SUGCT: variants seen among roughly 807,000 people sequenced by gnomAD.
The protein encoded by SUGCT is succinyl-CoA:glutarate CoA-transferase.
Under a neutral mutation model 55.0 loss-of-function variants are expected in SUGCT, and 41 were observed. The ratio of observed to expected loss-of-function variants is 0.74; its 90% CI spans 0.58 to 0.97. The LOEUF (loss-of-function observed/expected upper bound fraction) is 0.97, where lower values mean the gene tolerates loss of function less well. Ranked by LOEUF, SUGCT falls within the 50% of genes least tolerant of loss-of-function variation. The probability of loss-of-function intolerance (pLI) is 0.00; values close to 1 mark genes in which losing one functional copy is unlikely to be tolerated. For synonymous variants in SUGCT, 187 were observed against 200.4 expected (o/e 0.93, Z 0.56); for missense variants, 568 against 547.8 (o/e 1.04, Z -0.37).
At chr7:41,025,553 C>G in the SUGCT span, among the ~76,000 whole-genome samples, 3 of 152,002 alleles carry the variant, frequency 2.0e-5, no homozygotes, top group African/African-American at 7.2e-5. Flanking sequence ...GATAGGATTT[C>G]ACCATATTGG....
chr7:40,165,118 T>C (rs1260489181), intron 1 of SUGCT, among the ~76,000 whole-genome samples: 1 of 152,246 alleles, frequency 6.6e-6, no homozygotes, highest in Non-Finnish European at 1.5e-5. Context: ...TGCCTCCTCA[T>C]GCATAAGGTC....
At chr7:40,535,909 C>A (rs142282625) in intron 12 of SUGCT, among the ~76,000 whole-genome samples, 2,390 of 152,256 alleles carry the variant, frequency 0.016, 22 homozygotes, top group South Asian at 0.025. Flanking sequence ...TGGCATTTCT[C>A]TGATGATTAG....
At chr7:40,835,609 C>G (rs1482538317) in intron 13 of SUGCT, among the ~76,000 whole-genome samples, 1 of 152,156 alleles carries the variant, frequency 6.6e-6, no homozygotes, top group Non-Finnish European at 1.5e-5. Flanking sequence ...GGCAATCTCC[C>G]AAGGCTTACA....
intron 11 of SUGCT, among the ~76,000 whole-genome samples, chr7:40,478,142 C>T (rs754743882): frequency 6.6e-6 from 1 of 152,104 alleles, no homozygotes; most frequent in Non-Finnish European, 1.5e-5. Flanking sequence ...ACAGGCATTA[C>T]AGGCATACGC....
intron 11 of SUGCT, among the ~76,000 whole-genome samples, chr7:40,469,901 C>CTTAATG (rs1483179610): frequency 2.0e-5 from 3 of 152,122 alleles, no homozygotes; most frequent in African/African-American, 7.2e-5. Flanking sequence ...TCCTTTGGAA[C>CTTAATG]TTAATGTGTA....
At chr7:40,248,918 A>ACACACACACTCC (rs1320091363) in intron 7 of SUGCT, among the ~76,000 whole-genome samples, 2 of 145,368 alleles carry the variant, frequency 1.4e-5, no homozygotes, top group Non-Finnish European at 3.0e-5. Context: ...ACGCACACAC[A>ACACACACACTCC]CACACACTCC....
chr7:40,191,631 T>C (rs950837997), intron 5 of SUGCT, among the ~76,000 whole-genome samples: 5 of 152,222 alleles, frequency 3.3e-5, no homozygotes, highest in African/African-American at 1.2e-4. Context: ...TTTCCTGGCC[T>C]CAAGCAATCC....
chr7:40,258,782 C>CAAAAAATT (rs1791008440), intron 7 of SUGCT, among the ~76,000 whole-genome samples: 1 of 152,048 alleles, frequency 6.6e-6, no homozygotes, highest in South Asian at 2.1e-4. Flanking sequence ...GGAGGTTCTT[C>CAAAAAATT]AAAAAATTAA....
intron 13 of SUGCT, among the ~76,000 whole-genome samples, chr7:40,800,305 T>C (rs1790751335): frequency 7.1e-6 from 1 of 141,406 alleles, no homozygotes; most frequent in African/African-American, 2.6e-5. Context: ...TTTTTTTTTT[T>C]GAGACAAAGT....
intron 9 of SUGCT, among the ~76,000 whole-genome samples, chr7:40,393,376 G>T (rs1425628807): frequency 2.0e-5 from 3 of 152,186 alleles, no homozygotes; most frequent in Non-Finnish European, 4.4e-5. Flanking sequence ...CTAAATTAGG[G>T]AATGGAGACA....
At chr7:40,615,579 T>C (rs1442948167) in intron 12 of SUGCT, among the ~76,000 whole-genome samples, 4 of 152,212 alleles carry the variant, frequency 2.6e-5, no homozygotes, top group East Asian at 1.9e-4. Flanking sequence ...CACATCGCTG[T>C]AGAATGGACT....
intron 7 of SUGCT, among the ~76,000 whole-genome samples, chr7:40,252,442 G>A (rs752201246): frequency 1.3e-5 from 2 of 152,104 alleles, no homozygotes; most frequent in Admixed American, 6.6e-5. Flanking sequence ...TTTTTATTGT[G>A]ATAAATGTTT....
intron 1 of SUGCT, among the ~76,000 whole-genome samples, chr7:40,164,033 T>C (rs945464939): frequency 1.6e-4 from 25 of 152,030 alleles, no homozygotes; most frequent in African/African-American, 5.8e-4. Flanking sequence ...TTGGCCAGGA[T>C]GGTCTCGAAC....
At chr7:40,150,070 G>GC (rs34229107) in intron 1 of SUGCT, among the ~76,000 whole-genome samples, 86,522 of 151,878 alleles carry the variant, frequency 0.57, 26,442 homozygotes, top group African/African-American at 0.8. Context: ...TCCAACCTGG[G>GC]AACAGAGTGA....
chr7:40,973,745 G>T, the SUGCT span, among the ~76,000 whole-genome samples: 3 of 152,140 alleles, frequency 2.0e-5, no homozygotes, highest in African/African-American at 7.2e-5. Context: ...TCAGTTAAAT[G>T]AAACTACAAA....
chr7:40,283,066 G>A (rs1793075112), intron 8 of SUGCT, among the ~76,000 whole-genome samples: 4 of 151,894 alleles, frequency 2.6e-5, no homozygotes, highest in Non-Finnish European at 5.9e-5. Flanking sequence ...TTTCTGCACA[G>A]CAAAGGGAAC....
intron 6 of SUGCT, among the ~76,000 whole-genome samples, chr7:40,221,846 A>G (rs1180072047): frequency 6.6e-6 from 1 of 152,190 alleles, no homozygotes; most frequent in Non-Finnish European, 1.5e-5. Context: ...TTCAGAAGGA[A>G]CAGTTCTATA....
chr7:40,936,896 A>G, the SUGCT span, among the ~76,000 whole-genome samples: 3 of 152,140 alleles, frequency 2.0e-5, no homozygotes, highest in African/African-American at 7.2e-5. Flanking sequence ...TTCCACATAT[A>G]TAAAAATTTC....
intron 12 of SUGCT, among the ~76,000 whole-genome samples, chr7:40,684,534 G>A (rs998944529): frequency 7.9e-5 from 12 of 152,236 alleles, no homozygotes; most frequent in East Asian, 3.9e-4. Context: ...TCAGATTCTC[G>A]TCTCTGGAAA....
Sources: gnomAD v4.1 joint callset for allele counts (sites outside exome capture counted in the v4.1 genomes callset) on GRCh38, gnomAD v4.1.1 for gene constraint, MANE v1.5 for transcripts, NCBI Gene and HGNC (gene_info 2026-07-23, HGNC 2026-07-21) for gene names.